VANGL2: variants seen among roughly 807,000 people sequenced by gnomAD.
VANGL2 encodes vang-like protein 2.
In VANGL2, 14 loss-of-function variants were observed where a neutral mutation model predicts 50.2. The observed-to-expected ratio is 0.28, with a 90% confidence interval of 0.18 to 0.44. The LOEUF is 0.44. Ranked by LOEUF, VANGL2 falls within the 20% of genes least tolerant of loss-of-function variation. The pLI, the probability that VANGL2 is intolerant of heterozygous loss-of-function variation, is 1.00. For missense variants in VANGL2, 533 were observed against 701.5 expected, an observed-to-expected ratio of 0.76 and a Z score of 2.71; for synonymous variants, 295 against 297.2, an observed-to-expected ratio of 0.99 and a Z score of 0.08.
chr1:160,412,169 C>G (rs925662074), intron 1 of VANGL2, among the ~76,000 whole-genome samples: 4 of 152,260 alleles, frequency 2.6e-5, no homozygotes, highest in Non-Finnish European at 4.4e-5. Flanking sequence ...CATAGTCACA[C>G]AGCTAGTCAG....
At chr1:160,420,586 C>G in intron 5 of VANGL2, 39 bp downstream of exon 5, 1 of 1,614,006 alleles carries the variant, frequency 6.2e-7, no homozygotes, top group Non-Finnish European at 8.5e-7. Context: ...CTGTCTCTTC[C>G]CAAGCAGGAC....
In VANGL2 at chr1:160,425,427, T is replaced by TCGGGGGGGGGG; in HGVS notation, c.*49_*50insCGGGGGGGGGG. ...GAAACTCTGGGGGGTCCTGAGGGGG[T>TCGGGGGGGGGG]GGGAGGGGGCTTGGTTCTCAGGCCC... On this transcript the variant is annotated 3_prime_UTR_variant, in exon 8 of 8. Transcript: ENST00000368061. 1.2e-5 allele frequency: 2 copies of TCGGGGGGGGGG among 160,100 alleles called. No individual in the cohort carries two copies. Among genetic ancestry groups the TCGGGGGGGGGG allele is most frequent in the Non-Finnish European group, 1.0e-5 (1 of 100,254 alleles). The allele number at this position is 160,100 out of a possible 1,614,324, so 9.9% of individuals were successfully genotyped here. A position where few individuals can be genotyped will look rare whatever the true frequency, so the allele number is the denominator to read the frequency against.
rs940267310 is a variant in VANGL2, at chr1:160,423,936, G to T, written c.1074-116G>T. 5 of 1,123,048 alleles carry T rather than the reference G, an allele frequency of 4.5e-6. No homozygotes were observed. The African/African-American group carries it at 6.2e-5, about 14-fold the overall frequency. 69.6% of individuals were successfully genotyped at this position (1,123,048 alleles called of 1,614,324 possible). A position where few individuals can be genotyped will look rare whatever the true frequency, so the allele number is the denominator to read the frequency against. The stretch of plus-strand genomic sequence containing the variant: ...ATTGCCTCTGGCTTTGTATTACTTT[G>T]GGTGAGCACAAAGGCCTGACCTCAT... On this transcript the variant is annotated intron_variant, in intron 6 of 7. Coordinates refer to ENST00000368061, the MANE Select transcript of VANGL2 (RefSeq NM_020335.3).
At chr1:160,408,691 G>A (rs1300868670) in intron 1 of VANGL2, among the ~76,000 whole-genome samples, 1 of 152,120 alleles carries the variant, frequency 6.6e-6, no homozygotes, top group Non-Finnish European at 1.5e-5. Context: ...GGCGGGGGTG[G>A]GGCACCTGGT....
chr1:160,405,962 A>G (rs1332396803), intron 1 of VANGL2, among the ~76,000 whole-genome samples: 1 of 152,164 alleles, frequency 6.6e-6, no homozygotes, highest in Admixed American at 6.5e-5. Context: ...CAGTGAGGTT[A>G]TGGGAGCAGG....
chr1:160,424,253 A>G lies in VANGL2; in HGVS notation c.1275A>G (p.Glu425=), dbSNP rs760609933. ...HTMESILQHL[E]FCITHDMTPK... is the part of the protein sequence containing the mutation. ...TGGAGAGCATCCTGCAGCACCTTGAATTCTGCATCACGCATGACATGACGC... is the reference window on the plus strand; with the variant it reads ...TGGAGAGCATCCTGCAGCACCTTGAGTTCTGCATCACGCATGACATGACGC... The change falls in exon 7 of 8, where the codon GAA becomes GAG. Residue 425 remains glutamate (E), a synonymous_variant. Coordinates refer to ENST00000368061, the MANE Select transcript of VANGL2 (RefSeq NM_020335.3). 112 of 1,614,064 alleles carry G rather than the reference A, an allele frequency of 6.9e-5. No homozygotes were observed. The highest frequency in any genetic ancestry group is 9.2e-5 in the Non-Finnish European group (108 of 1,180,024).
rs1183098328 is a variant in VANGL2, at chr1:160,419,155, G to A, written c.346G>A (p.Ala116Thr). The change falls in exon 4 of 8, where the codon GCA (alanine) becomes ACA (threonine). Residue 116 changes from alanine to threonine, a missense_variant. Coordinates refer to ENST00000368061, the MANE Select transcript of VANGL2 (RefSeq NM_020335.3). This position sits in a 1 kb window ranked among gnomAD's most constrained non-coding sequence, Gnocchi z 5.8. ...HLGVAAGATL[A>T]LLSFLTPLAF... The stretch of plus-strand genomic sequence containing the variant: ...GGGTGTGGCAGCGGGGGCCACCCTG[G>A]CACTGCTGTCTTTCCTCACGCCTCT... 1.9e-6 allele frequency: 3 copies of A among 1,613,966 alleles called. No individual in the cohort carries two copies. Among genetic ancestry groups the A allele is most frequent in the African/African-American group, 1.3e-5 (1 of 74,924 alleles).
intron 1 of VANGL2, among the ~76,000 whole-genome samples, chr1:160,402,738 C>T (rs764304224): frequency 3.9e-5 from 6 of 152,186 alleles, no homozygotes; most frequent in Admixed American, 1.3e-4. Context: ...GGTGGGAAGT[C>T]AGTGACTATC....
intron 1 of VANGL2, among the ~76,000 whole-genome samples, chr1:160,403,560 T>C (rs1460949164): frequency 6.6e-6 from 1 of 152,198 alleles, no homozygotes; most frequent in Non-Finnish European, 1.5e-5. Flanking sequence ...GTTTTTTATC[T>C]GCTCATCTGG....
chr1:160,404,783 G>A (rs1571234030), intron 1 of VANGL2, among the ~76,000 whole-genome samples: 1 of 152,180 alleles, frequency 6.6e-6, no homozygotes, highest in African/African-American at 2.4e-5. Context: ...ATTCCCTTGT[G>A]TGGACAGACT....
intron 1 of VANGL2, among the ~76,000 whole-genome samples, chr1:160,409,763 A>G (rs1209723039): frequency 6.6e-6 from 1 of 152,230 alleles, no homozygotes; most frequent in Non-Finnish European, 1.5e-5. Context: ...ACTCTGAGCT[A>G]GCACGGAGAG....
At chr1:160,425,026 G>A (rs577657440) in intron 7 of VANGL2, 92 bp from the exon 8 acceptor site, 65 of 1,587,296 alleles carry the variant, frequency 4.1e-5, no homozygotes, top group East Asian at 2.0e-4. Context: ...GCTCAGGGAC[G>A]TCCTTCTTGT....
intron 6 of VANGL2, among the ~76,000 whole-genome samples, chr1:160,421,449 A>G (rs1651271182): frequency 6.6e-6 from 1 of 152,206 alleles, no homozygotes; most frequent in Admixed American, 6.5e-5. Context: ...TGAAATCAAG[A>G]GGACTCTCAT....
chr1:160,413,266 A>T (rs571265572), intron 1 of VANGL2, among the ~76,000 whole-genome samples: 18 of 151,090 alleles, frequency 1.2e-4, no homozygotes, highest in African/African-American at 4.4e-4. Context: ...GTAATGATAC[A>T]AAGCAAATCC....
intron 1 of VANGL2, among the ~76,000 whole-genome samples, chr1:160,401,841 C>T (rs1324685778): frequency 6.6e-6 from 1 of 151,906 alleles, no homozygotes; most frequent in Non-Finnish European, 1.5e-5. Flanking sequence ...GGTGTGTGTG[C>T]ACCTGTGTAC....
chr1:160,414,132 C>T (rs757938413), intron 1 of VANGL2, among the ~76,000 whole-genome samples: 12 of 152,194 alleles, frequency 7.9e-5, no homozygotes, highest in Non-Finnish European at 1.5e-4. Context: ...CTACTGCAGT[C>T]GCCTCCTTAT....
chr1:160,410,700 G>A (rs11584498), intron 1 of VANGL2, among the ~76,000 whole-genome samples: 29 of 72,806 alleles, frequency 4.0e-4, no homozygotes, highest in South Asian at 2.0e-3. Context: ...ACACACACAC[G>A]CACGCACGCA....
chr1:160,412,362 T>C (rs1650909215), intron 1 of VANGL2, among the ~76,000 whole-genome samples: 1 of 152,034 alleles, frequency 6.6e-6, no homozygotes, highest in South Asian at 2.1e-4. Context: ...TCTACCCCCA[T>C]GTCACTCTGT....
At chr1:160,404,196 G>T (rs928316052) in intron 1 of VANGL2, among the ~76,000 whole-genome samples, 3 of 152,144 alleles carry the variant, frequency 2.0e-5, no homozygotes, top group Non-Finnish European at 4.4e-5. Flanking sequence ...TATCTGCCAG[G>T]CACAGTGTGA....
Sources: allele counts gnomAD v4.1 joint callset (sites outside exome capture counted in the v4.1 genomes callset), GRCh38; gene constraint gnomAD v4.1.1; non-coding constraint Gnocchi (gnomAD v3.1); transcripts MANE v1.5; gene names NCBI Gene and HGNC (gene_info 2026-07-23, HGNC 2026-07-21).